IGF1R: variants seen among roughly 807,000 people sequenced by gnomAD.
IGF1R encodes the protein insulin-like growth factor 1 receptor.
A neutral mutation model predicts 144.6 loss-of-function variants in IGF1R; 44 were observed. The ratio of observed to expected loss-of-function variants is 0.30; its 90% confidence interval spans 0.24 to 0.39. IGF1R has a LOEUF of 0.39. IGF1R is among the 10% of genes least tolerant of loss of function. IGF1R has a pLI of 1.00. For synonymous variants in IGF1R, 795 were observed against 722.8 expected, an observed-to-expected ratio of 1.10 and a Z score of -1.60; for missense variants, 1,355 against 1,833.7, an observed-to-expected ratio of 0.74 and a Z score of 4.77.
intron 1 of IGF1R, among the ~76,000 whole-genome samples, chr15:98,669,661 C>T (rs1567066790): frequency 6.6e-6 from 1 of 152,132 alleles, no homozygotes; most frequent in South Asian, 2.1e-4. Flanking sequence ...CCCATTAGGG[C>T]AGTGGGTGAA....
At chr15:98,902,652 G>T (rs948885646) in intron 5 of IGF1R, among the ~76,000 whole-genome samples, 1 of 152,022 alleles carries the variant, frequency 6.6e-6, no homozygotes, top group South Asian at 2.1e-4. Flanking sequence ...CTGACCTTGT[G>T]ATCCGCCCGC....
intron 2 of IGF1R, among the ~76,000 whole-genome samples, chr15:98,788,626 C>CG (rs1567129857): frequency 6.6e-6 from 1 of 152,188 alleles, no homozygotes; most frequent in Non-Finnish European, 1.5e-5. Flanking sequence ...AGTTTGCAAA[C>CG]GGTCTATACT....
intron 2 of IGF1R, among the ~76,000 whole-genome samples, chr15:98,865,438 G>C (rs1032052121): frequency 1.1e-4 from 16 of 152,214 alleles, no homozygotes; most frequent in African/African-American, 3.9e-4. Context: ...CGCCAAGGAG[G>C]GGCTGGCTGG....
intron 5 of IGF1R, among the ~76,000 whole-genome samples, chr15:98,904,643 G>T (rs1196307201): frequency 6.6e-6 from 1 of 152,194 alleles, no homozygotes; most frequent in Admixed American, 6.5e-5. Context: ...GCTGATGACA[G>T]CCTGTGTCCT....
intron 2 of IGF1R, among the ~76,000 whole-genome samples, chr15:98,843,415 G>A (rs2011211435): frequency 6.6e-6 from 1 of 152,100 alleles, no homozygotes; most frequent in African/African-American, 2.4e-5. Context: ...CCAATAAACA[G>A]GACAGGGCCT....
chr15:98,664,305 C>G (rs1421868640), intron 1 of IGF1R, among the ~76,000 whole-genome samples: 2 of 152,136 alleles, frequency 1.3e-5, no homozygotes, highest in African/African-American at 2.4e-5. Context: ...TCTACTGATG[C>G]ATTGTACCGG....
At chr15:98,654,333 T>G (rs1305152320) in intron 1 of IGF1R, among the ~76,000 whole-genome samples, 1 of 152,194 alleles carries the variant, frequency 6.6e-6, no homozygotes, top group Non-Finnish European at 1.5e-5. Flanking sequence ...GTTGCCTTTT[T>G]CCAAAAATTA....
chr15:98,734,940 A>G (rs774937008), intron 2 of IGF1R, among the ~76,000 whole-genome samples: 4 of 152,190 alleles, frequency 2.6e-5, no homozygotes, highest in Non-Finnish European at 5.9e-5. Context: ...GAAGGACTCT[A>G]TCACTCTACT....
chr15:98,858,957 C>G (rs1340347794), intron 2 of IGF1R, among the ~76,000 whole-genome samples: 4 of 152,256 alleles, frequency 2.6e-5, no homozygotes, highest in East Asian at 1.9e-4. Context: ...ATTCTACTTT[C>G]AGTCTACCCT....
In IGF1R at chr15:98,929,644, G is replaced by A. The variant is rs1320984804; in HGVS notation, c.2869G>A (p.Val957Ile). 14 of 1,612,184 alleles carry A rather than the reference G, an allele frequency of 8.7e-6. No individual in the cohort carries two copies. Among genetic ancestry groups the A allele is most frequent in the Admixed American group, 1.7e-5 (1 of 59,994 alleles). ...IVGGLVIMLY[V>I]FHRKRNNSRL... ...GGGAGGGTTGGTGATTATGCTGTAC[G>A]TCTTCCATAGAAAGAGGTCAGTGAT... Residue 957 changes from valine to isoleucine, a missense_variant, in exon 14 of 21, where the codon GTC (valine) becomes ATC (isoleucine). Val to Ile is a conservative substitution (Grantham distance 29). Coordinates refer to ENST00000650285, the MANE Select transcript of IGF1R (RefSeq NM_000875.5).
At chr15:98,742,787 T>G (rs1187900338) in intron 2 of IGF1R, among the ~76,000 whole-genome samples, 2 of 152,224 alleles carry the variant, frequency 1.3e-5, no homozygotes, top group Admixed American at 6.5e-5. Flanking sequence ...GGCTTACACC[T>G]GTAATCCTAG....
intron 2 of IGF1R, among the ~76,000 whole-genome samples, chr15:98,739,017 T>A (rs1214197127): frequency 6.6e-6 from 1 of 152,144 alleles, no homozygotes; most frequent in Non-Finnish European, 1.5e-5. Flanking sequence ...CTGAGTGACA[T>A]CTTGCCTTGC....
chr15:98,686,104 T>C (rs2053322021), intron 1 of IGF1R, among the ~76,000 whole-genome samples: 1 of 152,248 alleles, frequency 6.6e-6, no homozygotes, highest in African/African-American at 2.4e-5. Context: ...TTTGACTGTC[T>C]GGATACCTCA....
At chr15:98,885,017 C>T (rs533238740) in intron 2 of IGF1R, among the ~76,000 whole-genome samples, 16 of 152,278 alleles carry the variant, frequency 1.1e-4, no homozygotes, top group African/African-American at 2.4e-4. Context: ...CTTCTCTTGG[C>T]CCGCACTCTC....
chr15:98,874,942 A>G (rs1235661820), intron 2 of IGF1R, among the ~76,000 whole-genome samples: 2 of 152,216 alleles, frequency 1.3e-5, no homozygotes, highest in South Asian at 2.1e-4. Context: ...CAGTGAACAA[A>G]TGCTGACTTC....
At chr15:98,797,109 G>A (rs970688579) in intron 2 of IGF1R, among the ~76,000 whole-genome samples, 5 of 152,206 alleles carry the variant, frequency 3.3e-5, no homozygotes, top group African/African-American at 1.2e-4. Flanking sequence ...GTTACATTTC[G>A]TTGTTCCTGG....
chr15:98,930,351 A>G, intron 15 of IGF1R, 46 bp downstream of exon 15: 1 of 1,405,220 alleles, frequency 7.1e-7, no homozygotes, highest in Non-Finnish European at 1.0e-6. Context: ...GGGCAGGTAG[A>G]TCGGGAGCTT....
intron 1 of IGF1R, among the ~76,000 whole-genome samples, chr15:98,667,342 A>C (rs1394497878): frequency 6.6e-6 from 1 of 152,042 alleles, no homozygotes; most frequent in African/African-American, 2.4e-5. Context: ...TTGACAGCTC[A>C]ATTTTTTTTT....
intron 2 of IGF1R, among the ~76,000 whole-genome samples, chr15:98,742,358 ATCAT>A (rs1368744213): frequency 2.0e-5 from 3 of 152,198 alleles, no homozygotes; most frequent in Non-Finnish European, 4.4e-5. Flanking sequence ...GCTGCTATTG[ATCAT>A]TCATATAGCC....
Sources: gnomAD v4.1 joint callset for allele counts (sites outside exome capture counted in the v4.1 genomes callset) on GRCh38, gnomAD v4.1.1 for gene constraint, MANE v1.5 for transcripts, NCBI Gene and HGNC (gene_info 2026-07-23, HGNC 2026-07-21) for gene names.